Variants in TMEM217B observed in about 807,000 individuals in gnomAD.
TMEM217B encodes transmembrane protein 217B.
chr6:37,255,577 A>T, the TMEM217B span, among the ~76,000 whole-genome samples: 4 of 151,890 alleles, frequency 2.6e-5, no homozygotes, highest in African/African-American at 9.7e-5. Flanking sequence ...CCAGCTACTC[A>T]GGAGGCTGAT....
the TMEM217B span, among the ~76,000 whole-genome samples, chr6:37,230,761 G>T: frequency 6.6e-6 from 1 of 152,148 alleles, no homozygotes; most frequent in South Asian, 2.1e-4. Flanking sequence ...CAATAAAGGG[G>T]CCAAAATTCT....
chr6:37,258,018 T>A, the TMEM217B span: 3 of 1,597,952 alleles, frequency 1.9e-6, no homozygotes, highest in Non-Finnish European at 2.6e-6. Context: ...GACCAAACCC[T>A]TCCAGATCCT....
the TMEM217B span, among the ~76,000 whole-genome samples, chr6:37,253,546 T>C: frequency 6.6e-6 from 1 of 152,350 alleles, no homozygotes; most frequent in African/African-American, 2.4e-5. Flanking sequence ...GTTTAGATAC[T>C]ATAAAGCTCT....
At chr6:37,255,389 G>A in the TMEM217B span, among the ~76,000 whole-genome samples, 1 of 152,074 alleles carries the variant, frequency 6.6e-6, no homozygotes, top group Non-Finnish European at 1.5e-5. Flanking sequence ...CATTTTAACA[G>A]GGTGTCTCTG....
At chr6:37,256,878 C>CA in the TMEM217B span, among the ~76,000 whole-genome samples, 3 of 151,996 alleles carry the variant, frequency 2.0e-5, no homozygotes, top group Non-Finnish European at 4.4e-5. Flanking sequence ...TCAAAACCAG[C>CA]AAAAAACGCT....
At chr6:37,239,480 AT>A in the TMEM217B span, among the ~76,000 whole-genome samples, 4 of 1,708 alleles carry the variant, frequency 2.3e-3, no homozygotes, top group African/African-American at 9.1e-3. Context: ...GTCTTAAAAA[AT>A]AAATAAATAA....
the TMEM217B span, among the ~76,000 whole-genome samples, chr6:37,229,335 GTTTTTTTTTTTT>G: frequency 1.3e-5 from 1 of 74,368 alleles, no homozygotes; most frequent in Admixed American, 2.3e-4. Context: ...GCAACTTTCA[GTTTTTTTTTTTT>G]TTTTTTTTTT....
the TMEM217B span, chr6:37,218,092 G>A: frequency 2.5e-5 from 26 of 1,023,708 alleles, 1 homozygote; most frequent in South Asian, 1.0e-3. Flanking sequence ...AACTACCCTG[G>A]GAATCTGAGA....
chr6:37,245,698 G>GAGGAGGAGGAGGAGGAAGAGC, the TMEM217B span, among the ~76,000 whole-genome samples: 1 of 151,716 alleles, frequency 6.6e-6, no homozygotes, highest in Non-Finnish European at 1.5e-5. Context: ...GGAGGAGCAG[G>GAGGAGGAGGAGGAGGAAGAGC]AGGAGGAGGA....
chr6:37,239,504 A>G, the TMEM217B span, among the ~76,000 whole-genome samples: 209 of 111,558 alleles, frequency 1.9e-3, no homozygotes, highest in Admixed American at 2.8e-3. Context: ...AAATAAATAA[A>G]TAAGTAAATA....
chr6:37,251,407 T>C, the TMEM217B span, among the ~76,000 whole-genome samples: 2 of 152,090 alleles, frequency 1.3e-5, no homozygotes, highest in Non-Finnish European at 2.9e-5. Context: ...CATGAGATAA[T>C]GTATAAAGAA....
At chr6:37,254,342 T>C in the TMEM217B span, among the ~76,000 whole-genome samples, 1 of 152,112 alleles carries the variant, frequency 6.6e-6, no homozygotes, top group African/African-American at 2.4e-5. Flanking sequence ...CTCAAACCAA[T>C]GATTTACACC....
chr6:37,254,381 C>T, the TMEM217B span, among the ~76,000 whole-genome samples: 3 of 152,166 alleles, frequency 2.0e-5, no homozygotes, highest in Admixed American at 2.0e-4. Context: ...GCTGCCATAC[C>T]TATCAGCCCT....
chr6:37,252,613 G>GTA, the TMEM217B span, among the ~76,000 whole-genome samples: 1 of 90,034 alleles, frequency 1.1e-5, no homozygotes, highest in African/African-American at 4.1e-5. Context: ...GTGTGTATGT[G>GTA]TGTGTATATA....
At chr6:37,215,299 AC>A in the TMEM217B span, 6 of 1,608,828 alleles carry the variant, frequency 3.7e-6, no homozygotes, top group South Asian at 1.1e-5. Context: ...AAATAAAAAA[AC>A]AAATGAATAA....
chr6:37,212,696 A>G, the TMEM217B span: 1 of 628,470 alleles, frequency 1.6e-6, no homozygotes, highest in Non-Finnish European at 3.0e-6. Context: ...GTGATGATCC[A>G]CATGGCATAG....
chr6:37,212,734 T>C, the TMEM217B span: 3 of 672,296 alleles, frequency 4.5e-6, no homozygotes, highest in Middle Eastern at 2.4e-4. Context: ...GATATTCTTG[T>C]GGATACAATA....
chr6:37,224,228 C>G, the TMEM217B span, among the ~76,000 whole-genome samples: 1 of 151,350 alleles, frequency 6.6e-6, no homozygotes, highest in Non-Finnish European at 1.5e-5. Context: ...CGTGAGCCAC[C>G]GCGCCCGGCC....
chr6:37,244,121 C>A, the TMEM217B span, among the ~76,000 whole-genome samples: 1 of 152,216 alleles, frequency 6.6e-6, no homozygotes, highest in East Asian at 1.9e-4. Flanking sequence ...TAATCCTAAC[C>A]TTGTGGACTT....
Sources: allele counts gnomAD v4.1 joint callset (sites outside exome capture counted in the v4.1 genomes callset), GRCh38; gene constraint gnomAD v4.1.1; transcripts MANE v1.5; gene names NCBI Gene and HGNC (gene_info 2026-07-23, HGNC 2026-07-21).